The following FAM107B variants were observed in gnomAD, a reference collection of about 807,000 sequenced individuals.
FAM107B encodes family with sequence similarity 107 member B.
Under a neutral mutation model 31.5 loss-of-function variants are expected in FAM107B, and 21 were observed. The observed-to-expected ratio is 0.67, with a 90% CI of 0.47 to 0.96. FAM107B has a LOEUF of 0.96. Among genes scored for constraint, FAM107B ranks in the 40% least tolerant of loss-of-function variants. The probability of loss-of-function intolerance (pLI) is 0.00; values close to 1 mark genes in which losing one functional copy is unlikely to be tolerated. For synonymous variants in FAM107B, 157 were observed against 141.5 expected (o/e 1.11, Z -0.78); for missense variants, 452 against 377.1 (o/e 1.20, Z -1.64).
chr10:14,635,354 G>A (rs1853471308), intron 2 of FAM107B, among the ~76,000 whole-genome samples: 1 of 152,170 alleles, frequency 6.6e-6, no homozygotes, highest in African/African-American at 2.4e-5. Context: ...GCAACCATTA[G>A]ACTTCGAACA....
intron 2 of FAM107B, among the ~76,000 whole-genome samples, chr10:14,667,245 TA>T (rs1311339845): frequency 6.6e-6 from 1 of 151,938 alleles, no homozygotes; most frequent in African/African-American, 2.4e-5. Flanking sequence ...TACACAAACA[TA>T]AAAAAAACCC....
intron 2 of FAM107B, among the ~76,000 whole-genome samples, chr10:14,562,534 G>C (rs1850330673): frequency 6.6e-6 from 1 of 152,174 alleles, no homozygotes; most frequent in African/African-American, 2.4e-5. Context: ...GTAAAACAAA[G>C]AAATACAAAC....
intron 2 of FAM107B, among the ~76,000 whole-genome samples, chr10:14,615,469 A>G (rs192968737): frequency 2.4e-4 from 36 of 152,364 alleles, no homozygotes; most frequent in African/African-American, 8.4e-4. Context: ...TACTCTAGCC[A>G]AGTTTCCTGT....
At chr10:14,550,822 T>C (rs192472614) in intron 2 of FAM107B, among the ~76,000 whole-genome samples, 40 of 152,172 alleles carry the variant, frequency 2.6e-4, no homozygotes, top group Admixed American at 4.6e-4. Flanking sequence ...TTACTTTAAC[T>C]AAATGAAAAG....
intron 2 of FAM107B, among the ~76,000 whole-genome samples, chr10:14,573,357 T>C (rs886333698): frequency 2.0e-5 from 3 of 152,024 alleles, no homozygotes; most frequent in Admixed American, 2.0e-4. Context: ...CCTTCCACCA[T>C]GGGATGATGC....
intron 2 of FAM107B, among the ~76,000 whole-genome samples, chr10:14,604,770 T>A (rs72768960): frequency 5.9e-5 from 9 of 151,364 alleles, no homozygotes; most frequent in African/African-American, 1.2e-4. Flanking sequence ...TCTGTCTCTC[T>A]CACACACACA....
intron 2 of FAM107B, among the ~76,000 whole-genome samples, chr10:14,565,889 T>A (rs113036040): frequency 2.9e-4 from 44 of 152,066 alleles, no homozygotes; most frequent in Admixed American, 4.6e-4. Context: ...TCCACAGTGG[T>A]AAATCCCAGC....
chr10:14,751,170 G>C (rs539793281), intron 1 of FAM107B, among the ~76,000 whole-genome samples: 5 of 152,358 alleles, frequency 3.3e-5, no homozygotes, highest in Non-Finnish European at 7.3e-5. Context: ...TAGGGTCCCA[G>C]GGGAGCGGCG....
At chr10:14,585,081 G>A (rs1564587365) in intron 2 of FAM107B, among the ~76,000 whole-genome samples, 1 of 152,178 alleles carries the variant, frequency 6.6e-6, no homozygotes, top group African/African-American at 2.4e-5. Flanking sequence ...TAACCAAAGG[G>A]ACACCTCTAG....
intron 1 of FAM107B, among the ~76,000 whole-genome samples, chr10:14,700,258 CT>C (rs1855363570): frequency 6.6e-6 from 1 of 152,118 alleles, no homozygotes; most frequent in Non-Finnish European, 1.5e-5. Flanking sequence ...AAAAGCAGCA[CT>C]GGCAACTGTG....
At chr10:14,691,424 C>A (rs1855131532) in intron 1 of FAM107B, among the ~76,000 whole-genome samples, 1 of 152,152 alleles carries the variant, frequency 6.6e-6, no homozygotes, top group African/African-American at 2.4e-5. Flanking sequence ...GCTCCCTCGC[C>A]CTGCTGAGTG....
At chr10:14,658,063 C>T (rs1001908700) in intron 2 of FAM107B, among the ~76,000 whole-genome samples, 10 of 152,140 alleles carry the variant, frequency 6.6e-5, no homozygotes, top group East Asian at 1.9e-4. Context: ...CCACCCACTT[C>T]GGCCCCCCAA....
chr10:14,682,524 A>G (rs1433376992), intron 1 of FAM107B, among the ~76,000 whole-genome samples: 3 of 152,166 alleles, frequency 2.0e-5, no homozygotes, highest in Non-Finnish European at 2.9e-5. Flanking sequence ...GTGAGACTCC[A>G]TCTCAAAAAT....
At chr10:14,554,284 A>C in intron 2 of FAM107B, 1 of 298,738 alleles carries the variant, frequency 3.3e-6, no homozygotes, top group Non-Finnish European at 4.9e-6. Flanking sequence ...CATGAGAAAC[A>C]TGACACCCAT....
chr10:14,723,954 C>T, intron 1 of FAM107B: 1 of 749,206 alleles, frequency 1.3e-6, no homozygotes, highest in Non-Finnish European at 2.5e-6. Context: ...TGTGCTGTTC[C>T]ATTTGGAAGT....
chr10:14,674,094 TC>T (rs1854622293), intron 1 of FAM107B, among the ~76,000 whole-genome samples: 1 of 152,132 alleles, frequency 6.6e-6, no homozygotes, highest in Admixed American at 6.5e-5. Flanking sequence ...GATCCAAAAA[TC>T]AACTCAAAAT....
At chr10:14,651,440 T>C (rs532108430) in intron 2 of FAM107B, among the ~76,000 whole-genome samples, 8 of 152,186 alleles carry the variant, frequency 5.3e-5, no homozygotes, top group Non-Finnish European at 8.8e-5. Flanking sequence ...ACCCCGTCAC[T>C]ACTAAAAATA....
intron 1 of FAM107B, among the ~76,000 whole-genome samples, chr10:14,749,528 G>A (rs922887765): frequency 3.9e-5 from 6 of 152,086 alleles, no homozygotes; most frequent in Non-Finnish European, 1.5e-5. Flanking sequence ...AATTTCCCCT[G>A]GCCCTAGCAC....
chr10:14,646,897 C>T lies in FAM107B; in HGVS notation c.469+20737G>A, dbSNP rs186099887. Among the ~76,000 whole-genome samples, 1,012 of 151,096 alleles carry T rather than the reference C, an allele frequency of 6.7e-3. 9 individuals are homozygous for T. Among genetic ancestry groups the T allele is most frequent in the African/African-American group, 0.023 (954 of 41,098 alleles). On this transcript the variant is annotated intron_variant, in intron 2 of 4. Coordinates refer to ENST00000181796, the MANE Select transcript of FAM107B (RefSeq NM_031453.4). ...CAAGCTCCGCCTCCTGGATTCACGC[C>T]ATTCTCCTGCCTCAGTCTCCCAAGT...
Sources: allele counts gnomAD v4.1 joint callset (sites outside exome capture counted in the v4.1 genomes callset), GRCh38; gene constraint gnomAD v4.1.1; transcripts MANE v1.5; gene names NCBI Gene and HGNC (gene_info 2026-07-23, HGNC 2026-07-21).